CPVL: variants seen among roughly 807,000 people sequenced by gnomAD.
CPVL encodes probable serine carboxypeptidase CPVL.
In CPVL, 51 loss-of-function variants were observed where a neutral mutation model predicts 63.7. The observed-to-expected ratio is 0.80, with a 90% CI of 0.64 to 1.01. The LOEUF is 1.01. Among genes scored for constraint, CPVL ranks in the 50% least tolerant of loss-of-function variants. CPVL has a pLI of 0.00. For synonymous variants in CPVL, 195 were observed against 206.0 expected (o/e 0.95, Z 0.46); for missense variants, 530 against 573.1 (o/e 0.92, Z 0.77).
upstream of CPVL, among the ~76,000 whole-genome samples, chr7:29,151,462 G>T (rs75842252): frequency 4.3e-3 from 654 of 152,278 alleles, 6 homozygotes; most frequent in African/African-American, 0.015. Flanking sequence ...GTGATTTAAG[G>T]ATAAATTATG....
At chr7:29,131,576 A>G (rs114905184) in intron 1 of CPVL, among the ~76,000 whole-genome samples, 170 of 152,138 alleles carry the variant, frequency 1.1e-3, no homozygotes, top group African/African-American at 3.7e-3. Flanking sequence ...GTCACCCACA[A>G]TCTTGGCTCA....
chr7:29,188,666 G>A (rs539268080), intron 1 of CPVL, among the ~76,000 whole-genome samples: 24 of 152,162 alleles, frequency 1.6e-4, no homozygotes, highest in African/African-American at 4.1e-4. Context: ...GGATCTGCTC[G>A]GTTCCCTGGG....
At chr7:29,096,032 A>C (rs778178210) in intron 4 of CPVL, 71 bp downstream of exon 4, 9 of 1,181,384 alleles carry the variant, frequency 7.6e-6, no homozygotes, top group Non-Finnish European at 1.1e-5. Flanking sequence ...GTTTACTCTA[A>C]ATTAGTTTTG....
At chr7:29,126,947 G>A (rs1169257777) in intron 1 of CPVL, 1 of 152,150 alleles carries the variant, frequency 6.6e-6, no homozygotes, top group Non-Finnish European at 1.5e-5. Flanking sequence ...AAGGTAAAGG[G>A]CAACCTTTTG....
chr7:29,160,143 A>G (rs943039310), intron 5 of CPVL, among the ~76,000 whole-genome samples: 1 of 152,184 alleles, frequency 6.6e-6, no homozygotes, highest in African/African-American at 2.4e-5. Flanking sequence ...CCTGGCCCTC[A>G]TAATATTTCT....
At chr7:29,177,588 CCT>C (rs111236411) in intron 5 of CPVL, among the ~76,000 whole-genome samples, 4,862 of 150,732 alleles carry the variant, frequency 0.032, 272 homozygotes, top group African/African-American at 0.11. Flanking sequence ...ACTGGCTTTT[CCT>C]CTGTCCCCTC....
intron 5 of CPVL, among the ~76,000 whole-genome samples, chr7:29,160,425 G>A (rs1041301414): frequency 4.6e-5 from 7 of 152,022 alleles, no homozygotes; most frequent in Non-Finnish European, 8.8e-5. Context: ...TTTAGTTTGG[G>A]CAATAATGTA....
chr7:28,999,221 C>T (rs112065822), intron 12 of CPVL, among the ~76,000 whole-genome samples: 2,114 of 152,036 alleles, frequency 0.014, 26 homozygotes, highest in Middle Eastern at 0.027. Flanking sequence ...CAAAAACAAA[C>T]GAAAAAACAA....
chr7:29,175,772 G>A (rs551277000), intron 5 of CPVL, among the ~76,000 whole-genome samples: 33 of 152,222 alleles, frequency 2.2e-4, no homozygotes, highest in African/African-American at 7.9e-4. Flanking sequence ...CAAAAAAACA[G>A]TGAAAAATAT....
At chr7:29,096,984 C>CAAAAAAA (rs1165892123) in intron 3 of CPVL, among the ~76,000 whole-genome samples, 4 of 51,222 alleles carry the variant, frequency 7.8e-5, no homozygotes, top group South Asian at 8.8e-4. Context: ...GACTCTGTCT[C>CAAAAAAA]AAAAAAAAAA....
chr7:29,132,660 C>G (rs543827824), intron 1 of CPVL, among the ~76,000 whole-genome samples: 1 of 152,156 alleles, frequency 6.6e-6, no homozygotes, highest in Non-Finnish European at 1.5e-5. Context: ...CCCAGCCTCC[C>G]TCGTTAATCA....
intron 7 of CPVL, among the ~76,000 whole-genome samples, chr7:29,083,506 G>T (rs1784934438): frequency 6.6e-6 from 1 of 152,224 alleles, no homozygotes; most frequent in Non-Finnish European, 1.5e-5. Flanking sequence ...CAGGAATCTG[G>T]AGGGCTGGAA....
chr7:28,998,131 C>A (rs1784274669), intron 12 of CPVL, among the ~76,000 whole-genome samples: 1 of 152,204 alleles, frequency 6.6e-6, no homozygotes, highest in African/African-American at 2.4e-5. Flanking sequence ...CAATCCCAGG[C>A]TAGACATTTC....
chr7:29,066,079 A>G lies in CPVL; in HGVS notation c.907T>C (p.Ser303Pro). ...LLDGDLTSDP[S>P]YFQNVTGCSN... ...CATCCTGTAACATTCTGGAAGTAAG[A>G]AGGATCACTTGTTAAGTCGCCATCT... Residue 303 changes from serine (S) to proline (P), a missense_variant, in exon 10 of 13, where the codon TCT becomes CCT. Coordinates refer to ENST00000265394, the MANE Select transcript of CPVL (RefSeq NM_031311.5). 6.2e-7 allele frequency: 1 copy of G among 1,608,584 alleles called. No individual in the cohort carries two copies. The highest frequency in any genetic ancestry group is 8.5e-7 in the Non-Finnish European group (1 of 1,176,512).
upstream of CPVL, among the ~76,000 whole-genome samples, chr7:29,148,129 T>A (rs1793029060): frequency 6.6e-6 from 1 of 152,184 alleles, no homozygotes; most frequent in Admixed American, 6.5e-5. Context: ...CAGATAACAC[T>A]GCTGCTGGCG....
intron 10 of CPVL, among the ~76,000 whole-genome samples, chr7:29,065,629 T>C (rs1449501290): frequency 6.6e-6 from 1 of 152,202 alleles, no homozygotes; most frequent in Non-Finnish European, 1.5e-5. Context: ...CAGTTTTGAT[T>C]ATCCAAGCGT....
chr7:29,071,721 T>TC, intron 9 of CPVL, 52 bp downstream of exon 9: 8 of 399,412 alleles, frequency 2.0e-5, no homozygotes, highest in South Asian at 5.3e-5. Flanking sequence ...CCGCCCTCCC[T>TC]CCCCAGATGG....
intron 5 of CPVL, among the ~76,000 whole-genome samples, chr7:29,161,412 CT>C (rs1377568394): frequency 6.6e-6 from 1 of 152,004 alleles, no homozygotes; most frequent in Non-Finnish European, 1.5e-5. Context: ...CATGCAGCAA[CT>C]TTCACAATCT....
At chr7:29,103,246 TTG>T (rs1383983216) in intron 3 of CPVL, among the ~76,000 whole-genome samples, 6 of 58,898 alleles carry the variant, frequency 1.0e-4, no homozygotes, top group Non-Finnish European at 1.6e-4. Context: ...AATTGTTGTT[TTG>T]TTTTTTTTTT....
Sources: allele counts gnomAD v4.1 joint callset (sites outside exome capture counted in the v4.1 genomes callset), GRCh38; gene constraint gnomAD v4.1.1; transcripts MANE v1.5; gene names NCBI Gene and HGNC (gene_info 2026-07-23, HGNC 2026-07-21).